The following NYAP2 variants were observed in gnomAD, a reference collection of about 807,000 sequenced individuals.
NYAP2 encodes neuronal tyrosine-phosphorylated phosphoinositide-3-kinase adaptor 2, also known as neuronal tyrosine-phosphorylated phosphoinositide-3-kinase adapter 2.
A neutral mutation model predicts 50.4 loss-of-function variants in NYAP2; 23 were observed. The observed-to-expected ratio is 0.46, with a 90% CI of 0.33 to 0.65. The LOEUF is 0.65. Among genes scored for constraint, NYAP2 ranks in the 30% least tolerant of loss-of-function variants. NYAP2 has a pLI of 0.02. For missense variants in NYAP2, 885 were observed against 861.0 expected, an observed-to-expected ratio of 1.03 and a Z score of -0.35; for synonymous variants, 394 against 365.2, an observed-to-expected ratio of 1.08 and a Z score of -0.90.
intron 3 of NYAP2, among the ~76,000 whole-genome samples, chr2:225,498,294 G>T (rs532717889): frequency 1.3e-5 from 2 of 152,274 alleles, no homozygotes; most frequent in East Asian, 1.9e-4. Flanking sequence ...AAGAGAGTGG[G>T]TATTGATGAA....
At chr2:225,517,069 C>CA (rs149809493) in intron 4 of NYAP2, among the ~76,000 whole-genome samples, 4,205 of 149,584 alleles carry the variant, frequency 0.028, 196 homozygotes, top group African/African-American at 0.097. Context: ...TGAGCACAAA[C>CA]AAAAAAAAAT....
At chr2:225,699,479 A>G in the NYAP2 span, 1 of 151,956 alleles carries the variant, frequency 6.6e-6, no homozygotes, top group Non-Finnish European at 1.5e-5. Context: ...ATATTTAAGT[A>G]ACTTTTCATG....
intron 3 of NYAP2, among the ~76,000 whole-genome samples, chr2:225,439,155 C>T (rs1326511959): frequency 6.6e-6 from 1 of 152,038 alleles, no homozygotes; most frequent in African/African-American, 2.4e-5. Flanking sequence ...GGCAGACACC[C>T]AAGTGTATAA....
At chr2:225,656,403 C>A (rs890823389), downstream of NYAP2, among the ~76,000 whole-genome samples, 26 of 152,292 alleles carry the variant, frequency 1.7e-4, no homozygotes, top group African/African-American at 5.3e-4. Flanking sequence ...GATTACTTAG[C>A]AAATGCTTAT....
chr2:225,651,774 C>G (rs748350533), exon 7 of NYAP2: 50 of 563,328 alleles, frequency 8.9e-5, no homozygotes, highest in Middle Eastern at 4.8e-4. Flanking sequence ...GTTACCAAAT[C>G]GTTTTTGTCT....
chr2:225,474,175 C>G (rs1422122475), intron 3 of NYAP2, among the ~76,000 whole-genome samples: 46 of 151,832 alleles, frequency 3.0e-4, no homozygotes, highest in Non-Finnish European at 4.3e-4. Context: ...CTATATCTCT[C>G]TTTTGGTACC....
At chr2:225,614,498 G>T (rs1250187989) in intron 5 of NYAP2, among the ~76,000 whole-genome samples, 3 of 152,036 alleles carry the variant, frequency 2.0e-5, no homozygotes, top group African/African-American at 4.8e-5. Flanking sequence ...AAAGCCAGAG[G>T]ATTTAAAATA....
intron 4 of NYAP2, among the ~76,000 whole-genome samples, chr2:225,522,508 G>A (rs984010477): frequency 3.9e-5 from 6 of 152,120 alleles, no homozygotes; most frequent in Non-Finnish European, 8.8e-5. Flanking sequence ...TGAAGCTGAA[G>A]TTTGTTATAA....
intron 3 of NYAP2, among the ~76,000 whole-genome samples, chr2:225,487,310 C>G (rs1003541508): frequency 1.3e-5 from 2 of 152,162 alleles, no homozygotes; most frequent in Non-Finnish European, 2.9e-5. Flanking sequence ...CCCTGGACCT[C>G]TGCCGTAGCC....
chr2:225,602,025 T>C (rs1206958413), intron 5 of NYAP2, among the ~76,000 whole-genome samples: 1 of 152,168 alleles, frequency 6.6e-6, no homozygotes. Flanking sequence ...TTAAGGAGCA[T>C]GGGCACCAAA....
chr2:225,550,167 A>C (rs1042299206), intron 4 of NYAP2, among the ~76,000 whole-genome samples: 7 of 152,222 alleles, frequency 4.6e-5, no homozygotes, highest in African/African-American at 1.2e-4. Flanking sequence ...AAAAGTCATT[A>C]AGATATGGCG....
In NYAP2 at chr2:225,427,834, AT is replaced by A. The variant is rs374629133; in HGVS notation, c.221+18736del. Among the ~76,000 whole-genome samples, 175 of 152,324 alleles carry A rather than the reference AT, an allele frequency of 1.1e-3. 1 individual carries two copies. Among genetic ancestry groups the A allele is most frequent in the African/African-American group, 4.1e-3 (170 of 41,568 alleles). On this transcript the variant is annotated intron_variant, in intron 3 of 6. Coordinates refer to ENST00000636099, the Ensembl canonical transcript of NYAP2. ...AAATGAGAATCTAATAACCTGGAAGATTTGTAAAGTGATTCAGATCTTTGCT... is the reference window on the plus strand; with the variant it reads ...AAATGAGAATCTAATAACCTGGAAGATTGTAAAGTGATTCAGATCTTTGCT...
chr2:225,673,843 G>A, the NYAP2 span, among the ~76,000 whole-genome samples: 2 of 152,132 alleles, frequency 1.3e-5, no homozygotes, highest in Non-Finnish European at 2.9e-5. Flanking sequence ...TTCCCTGGCA[G>A]GGAGTATGAA....
chr2:225,538,834 CTTTCTTTCTTTCTTTG>C (rs1247189023), intron 4 of NYAP2, among the ~76,000 whole-genome samples: 2,554 of 61,366 alleles, frequency 0.042, 183 homozygotes, highest in African/African-American at 0.14. Context: ...TTCTTTCTTT[CTTTCTTTCTTTCTTTG>C]TTTTTATTAT....
At chr2:225,684,631 A>C in the NYAP2 span, among the ~76,000 whole-genome samples, 1 of 151,744 alleles carries the variant, frequency 6.6e-6, no homozygotes, top group Non-Finnish European at 1.5e-5. Flanking sequence ...AGCTCATTGC[A>C]ACCTCCGTCT....
chr2:225,587,129 C>G (rs759625139), intron 5 of NYAP2, among the ~76,000 whole-genome samples: 1 of 152,198 alleles, frequency 6.6e-6, no homozygotes, highest in Admixed American at 6.5e-5. Context: ...TCAATCACCT[C>G]CCACCTGGCC....
At chr2:225,615,384 A>T (rs1300356306) in intron 5 of NYAP2, among the ~76,000 whole-genome samples, 1 of 152,220 alleles carries the variant, frequency 6.6e-6, no homozygotes, top group Admixed American at 6.5e-5. Context: ...GGGATGTTTC[A>T]GGCAGAAATA....
intron 3 of NYAP2, among the ~76,000 whole-genome samples, chr2:225,500,225 T>C (rs1389603239): frequency 6.6e-6 from 1 of 152,188 alleles, no homozygotes; most frequent in Non-Finnish European, 1.5e-5. Flanking sequence ...AAAACCGAGG[T>C]TTCCTAAAGC....
chr2:225,600,660 G>T (rs922223078), intron 5 of NYAP2, among the ~76,000 whole-genome samples: 2 of 152,156 alleles, frequency 1.3e-5, no homozygotes, highest in African/African-American at 2.4e-5. Context: ...ACAACCATCA[G>T]TTTCACAATC....
Sources: gnomAD v4.1 joint callset for allele counts (sites outside exome capture counted in the v4.1 genomes callset) on GRCh38, gnomAD v4.1.1 for gene constraint, MANE v1.5 for transcripts, NCBI Gene and HGNC (gene_info 2026-07-23, HGNC 2026-07-21) for gene names.